Variants in SYNE3 observed in about 807,000 individuals in gnomAD.
SYNE3 encodes the protein spectrin repeat containing nuclear envelope family member 3.
SYNE3 carries 100 observed loss-of-function variants against 111.2 expected under a neutral mutation model. The observed-to-expected ratio is 0.90, with a 90% CI of 0.77 to 1.06. SYNE3 has a LOEUF of 1.06. Among genes scored for constraint, SYNE3 ranks in the 50% least tolerant of loss-of-function variants. The pLI is 0.00. For missense variants in SYNE3, 1,160 were observed against 1,240.3 expected (o/e 0.94, Z 0.97); for synonymous variants, 547 against 533.9 (o/e 1.02, Z -0.34).
intron 1 of SYNE3, among the ~76,000 whole-genome samples, chr14:95,489,026 C>T (rs771689592): frequency 3.3e-5 from 5 of 152,230 alleles, no homozygotes; most frequent in East Asian, 3.9e-4. Context: ...TGCTGAGCAC[C>T]GGGCCTGCTG....
intron 15 of SYNE3, among the ~76,000 whole-genome samples, chr14:95,433,733 TG>T (rs2139376532): frequency 6.6e-6 from 1 of 152,394 alleles, no homozygotes; most frequent in African/African-American, 2.4e-5. Context: ...GCTGTCATTG[TG>T]AACATGTCTT....
intron 14 of SYNE3, 125 bp downstream of exon 14, chr14:95,438,908 C>G: frequency 7.5e-7 from 1 of 1,338,282 alleles, no homozygotes; most frequent in Non-Finnish European, 1.0e-6. Flanking sequence ...TGAGACAGGA[C>G]GTGGCCAAGT....
intron 1 of SYNE3, among the ~76,000 whole-genome samples, chr14:95,481,870 T>C (rs916947852): frequency 2.6e-5 from 4 of 152,224 alleles, no homozygotes; most frequent in Non-Finnish European, 5.9e-5. Context: ...AAGGAAAGGA[T>C]ACTGGCACCT....
rs774591773 is a variant in SYNE3, at chr14:95,457,291, G to A, written c.675C>T (p.Tyr225=). 15 of 1,613,964 alleles carry A rather than the reference G, an allele frequency of 9.3e-6. No homozygotes were observed. In the South Asian group the frequency reaches 1.6e-4, roughly 18 times the overall value. The change falls in exon 5 of 18, where the codon TAC becomes TAT. Residue 225 remains tyrosine, a synonymous_variant. Transcript: ENST00000682763. ...LEQVAREHEE[Y]QAGVDEFQLW... The stretch of plus-strand genomic sequence containing the variant: ...GTTGGAACTCGTCCACACCTGCCTG[G>A]TACTCCTCATGCTCCCGGGCCACCT...
At chr14:95,494,146 GA>G (rs11321589) in intron 1 of SYNE3, among the ~76,000 whole-genome samples, 99,223 of 150,636 alleles carry the variant, frequency 0.66, 32,957 homozygotes, top group African/African-American at 0.77. Flanking sequence ...TTAAAAAAAA[GA>G]AAAAAAAAAG....
chr14:95,417,910 T>C lies in SYNE3; in HGVS notation c.2844A>G (p.Glu948=). The C allele has an allele frequency of 6.2e-7, 1 of 1,614,140 alleles. No individual in the cohort carries two copies. Among genetic ancestry groups the C allele is most frequent in the Admixed American group, 1.7e-5 (1 of 60,024 alleles). ...TGGCCAGGGTGCAGCTGCGGTCCTCTTCCCTGATTGGGAGCAGGAACAGCA... is the reference window on the plus strand; with the variant it reads ...TGGCCAGGGTGCAGCTGCGGTCCTCCTCCCTGATTGGGAGCAGGAACAGCA... ...LLLLFLLPIR[E]EDRSCTLANN... is the part of the protein sequence containing the mutation. The change falls in exon 18 of 18, where the codon GAA becomes GAG. Residue 948 remains glutamate (E), a synonymous_variant. Coordinates refer to ENST00000682763, the MANE Select transcript of SYNE3 (RefSeq NM_152592.6).
In SYNE3 at chr14:95,433,273, G is replaced by C. The variant is rs116642867; in HGVS notation, c.2675C>G (p.Ser892Cys). ...CTTGGCACCTACCAGCAGGTGGCCA[G>C]AGTCCTTCAGCTTGGACTTGTACAG... ...WMLYKSKLKD[S>C]GHLLTQSSPG... The change falls in exon 16 of 18, where the codon TCT becomes TGT. Residue 892 changes from serine (S) to cysteine (C), a missense_variant. Physicochemically the swap from Ser to Cys is moderately radical, Grantham distance 112 (BLOSUM62 -1). Transcript: ENST00000682763. 9.9e-6 allele frequency: 16 copies of C among 1,613,832 alleles called. No individual in the cohort carries two copies. The highest frequency in any genetic ancestry group is 1.4e-5 in the Non-Finnish European group (16 of 1,179,912).
At chr14:95,446,124 C>G (rs778869997) in intron 8 of SYNE3, 33 bp from the exon 9 acceptor site, 1 of 1,610,868 alleles carries the variant, frequency 6.2e-7, no homozygotes, top group Non-Finnish European at 8.5e-7. Context: ...GAACCACAGA[C>G]CGGGCAGGAC....
intron 1 of SYNE3, among the ~76,000 whole-genome samples, chr14:95,514,185 T>C (rs1227543386): frequency 1.3e-5 from 2 of 152,098 alleles, no homozygotes; most frequent in Non-Finnish European, 1.5e-5. Context: ...AGGGCCAAAG[T>C]GGTTAACTGA....
chr14:95,446,093 T>C lies in SYNE3; in HGVS notation c.1450-2A>G. On this transcript the variant is annotated splice_acceptor_variant, in intron 8 of 17. Coordinates refer to ENST00000682763, the MANE Select transcript of SYNE3 (RefSeq NM_152592.6). LOFTEE classifies it high-confidence loss of function. ...GCGGGAGCTTTCCATCAGGGCTGCC[T>C]GTGGGAGACAAGGCTTCCGTGAACC... 6.2e-7 allele frequency: 1 copy of C among 1,613,866 alleles called. No homozygotes were observed. The highest frequency in any genetic ancestry group is 8.5e-7 in the Non-Finnish European group (1 of 1,179,940).
At chr14:95,418,053 G>A in intron 17 of SYNE3, 27 bp from the exon 18 acceptor site, 1 of 1,602,770 alleles carries the variant, frequency 6.2e-7, no homozygotes, top group Non-Finnish European at 8.5e-7. Flanking sequence ...GCACAGGTGA[G>A]TGGGCTGGGG....
At position 95,410,787 on chromosome 14, in the gene SYNE3, C is replaced by A. The variant is rs1903414359; in HGVS notation, c.*7039G>T. On this transcript the variant is annotated 3_prime_UTR_variant, in exon 18 of 18. Transcript: ENST00000682763. ...CTCGTGGCTGAATCTAGGGATTTCT[C>A]TTCCAGATGCGAGCCCACGCGCACA... is the stretch of plus-strand genomic sequence containing the variant. 1 of 152,220 alleles carries A rather than the reference C, an allele frequency of 6.6e-6. No homozygotes were observed. The highest frequency in any genetic ancestry group is 6.5e-5 in the Admixed American group (1 of 15,288). The allele number at this position is 152,220 out of a possible 1,614,324, so 9.4% of individuals were successfully genotyped here.
chr14:95,456,130 T>A (rs1020386468), intron 5 of SYNE3: 4 of 293,364 alleles, frequency 1.4e-5, no homozygotes, highest in African/African-American at 8.6e-5. Context: ...ATTGGCACCA[T>A]CTTTTCCATT....
At chr14:95,511,111 T>C (rs1412347001) in intron 1 of SYNE3, among the ~76,000 whole-genome samples, 13 of 152,388 alleles carry the variant, frequency 8.5e-5, no homozygotes. Context: ...ATGAAAGTCC[T>C]GCTCCATCTT....
At chr14:95,509,112 C>A (rs1038399744) in intron 1 of SYNE3, among the ~76,000 whole-genome samples, 1 of 152,250 alleles carries the variant, frequency 6.6e-6, no homozygotes, top group Non-Finnish European at 1.5e-5. Flanking sequence ...ACTCTTGAAA[C>A]TGTTGATTAG....
Position 95,444,474 on chromosome 14 carries a change from A to G in SYNE3, c.1776+11T>C, listed in dbSNP as rs1566964692. 8 of 1,601,674 alleles carry G rather than the reference A, an allele frequency of 5.0e-6. No homozygotes were observed. In the Admixed American group the frequency reaches 6.8e-5, roughly 14 times the overall value. On this transcript the variant is annotated intron_variant, in intron 10 of 17. Transcript: ENST00000682763. ...TGGGCAGGAGTGATTCAGGCCTCAC[A>G]GACCCCTCACCTGCAACCTTGAGAG...
intron 1 of SYNE3, among the ~76,000 whole-genome samples, chr14:95,486,197 G>C (rs1889536810): frequency 6.6e-6 from 1 of 152,090 alleles, no homozygotes; most frequent in Admixed American, 6.5e-5. Context: ...CTAATCCCAG[G>C]TACTGAGCCA....
At chr14:95,487,511 C>T (rs1393100193) in intron 1 of SYNE3, among the ~76,000 whole-genome samples, 1 of 152,106 alleles carries the variant, frequency 6.6e-6, no homozygotes, top group Admixed American at 6.5e-5. Flanking sequence ...CCTGACTGAT[C>T]GGCTGGAGAT....
intron 1 of SYNE3, among the ~76,000 whole-genome samples, chr14:95,510,743 G>A (rs1427885825): frequency 1.3e-5 from 2 of 152,086 alleles, no homozygotes; most frequent in African/African-American, 4.8e-5. Context: ...AGCCGAGATT[G>A]CACCATTGCA....
Sources: gnomAD v4.1 joint callset for allele counts (sites outside exome capture counted in the v4.1 genomes callset) on GRCh38, gnomAD v4.1.1 for gene constraint, MANE v1.5 for transcripts, NCBI Gene and HGNC (gene_info 2026-07-23, HGNC 2026-07-21) for gene names.